Variants in CDH13 observed in about 807,000 individuals in gnomAD.
CDH13 encodes the protein cadherin 13.
Under a neutral mutation model 63.8 loss-of-function variants are expected in CDH13, and 24 were observed. The ratio of observed to expected loss-of-function variants is 0.38; its 90% confidence interval spans 0.27 to 0.53. CDH13 has a LOEUF of 0.53. CDH13 is among the 20% of genes least tolerant of loss of function. CDH13 has a pLI of 0.85. For synonymous variants in CDH13, 503 were observed against 355.3 expected (o/e 1.42, Z -4.67); for missense variants, 1,049 against 903.1 (o/e 1.16, Z -2.07).
chr16:82,712,160 TAC>T (rs1229046903), intron 1 of CDH13, among the ~76,000 whole-genome samples: 1 of 152,216 alleles, frequency 6.6e-6, no homozygotes, highest in African/African-American at 2.4e-5. Context: ...TTGAATGTTC[TAC>T]AGACTTAACG....
intron 1 of CDH13, among the ~76,000 whole-genome samples, chr16:82,635,654 A>G (rs1381813066): frequency 1.3e-5 from 2 of 152,210 alleles, no homozygotes; most frequent in Non-Finnish European, 1.5e-5. Context: ...TCTAGGGCTG[A>G]GATCATGGGA....
chr16:83,285,441 T>A (rs1350560283), intron 5 of CDH13, among the ~76,000 whole-genome samples: 1 of 152,022 alleles, frequency 6.6e-6, no homozygotes, highest in Non-Finnish European at 1.5e-5. Flanking sequence ...GGGTCTACTT[T>A]AGGGTTTCAC....
intron 7 of CDH13, among the ~76,000 whole-genome samples, chr16:83,541,480 C>T (rs910740563): frequency 4.6e-5 from 7 of 152,176 alleles, no homozygotes; most frequent in Non-Finnish European, 8.8e-5. Flanking sequence ...TGTTTTCACT[C>T]TTGGCCATAG....
intron 7 of CDH13, among the ~76,000 whole-genome samples, chr16:83,550,529 C>G (rs1297660125): frequency 6.6e-6 from 1 of 152,204 alleles, no homozygotes; most frequent in Non-Finnish European, 1.5e-5. Flanking sequence ...ATGGCAAATT[C>G]CGCTCATAAT....
chr16:83,636,903 C>T (rs75292512), intron 8 of CDH13, among the ~76,000 whole-genome samples: 11,280 of 152,220 alleles, frequency 0.074, 691 homozygotes, highest in African/African-American at 0.17. Flanking sequence ...CCCTTTTCTC[C>T]TAGTTCTACC....
chr16:83,254,875 A>G (rs1462133784), intron 5 of CDH13, among the ~76,000 whole-genome samples: 1 of 152,092 alleles, frequency 6.6e-6, no homozygotes, highest in Non-Finnish European at 1.5e-5. Context: ...CTACTAGGGG[A>G]AATGCTAGAT....
At chr16:83,391,528 A>C (rs529776537) in intron 6 of CDH13, among the ~76,000 whole-genome samples, 1 of 152,154 alleles carries the variant, frequency 6.6e-6, no homozygotes, top group Non-Finnish European at 1.5e-5. Context: ...TGATAATAGT[A>C]AGCCCCAATT....
chr16:83,783,226 C>G (rs773235124), intron 12 of CDH13, 28 bp from the exon 13 acceptor site: 2 of 1,539,236 alleles, frequency 1.3e-6, no homozygotes, highest in Non-Finnish European at 1.8e-6. Flanking sequence ...CTCATCCACT[C>G]TCACCAGAAC....
intron 5 of CDH13, among the ~76,000 whole-genome samples, chr16:83,334,143 C>A (rs188746448): frequency 1.3e-5 from 2 of 152,232 alleles, no homozygotes; most frequent in Admixed American, 1.3e-4. Flanking sequence ...ATGTCCTTCA[C>A]ATATCCCATC....
chr16:82,684,136 G>A (rs1032680589), intron 1 of CDH13, among the ~76,000 whole-genome samples: 1 of 152,184 alleles, frequency 6.6e-6, no homozygotes, highest in African/African-American at 2.4e-5. Flanking sequence ...TCGTATTTGG[G>A]GAAAATGGTC....
At chr16:83,543,117 G>A (rs937710568) in intron 7 of CDH13, among the ~76,000 whole-genome samples, 19 of 152,184 alleles carry the variant, frequency 1.2e-4, no homozygotes, top group Admixed American at 5.2e-4. Flanking sequence ...TTGGCACATC[G>A]TATGTTTTAA....
intron 7 of CDH13, among the ~76,000 whole-genome samples, chr16:83,491,483 C>G (rs960978780): frequency 1.5e-4 from 23 of 151,834 alleles, no homozygotes; most frequent in African/African-American, 5.6e-4. Flanking sequence ...ATCTTGGCTG[C>G]TAGACTGAAA....
At chr16:82,753,843 T>C (rs560002564) in intron 1 of CDH13, among the ~76,000 whole-genome samples, 19 of 152,208 alleles carry the variant, frequency 1.2e-4, no homozygotes, top group Non-Finnish European at 1.6e-4. Context: ...CTTGGTCCAG[T>C]CCTGGGCACC....
At chr16:83,326,473 C>G (rs918581830) in intron 5 of CDH13, among the ~76,000 whole-genome samples, 2 of 148,224 alleles carry the variant, frequency 1.3e-5, no homozygotes, top group Admixed American at 6.8e-5. Context: ...CCTCTGAACT[C>G]TATGGGAGTA....
chr16:83,157,738 TAAAAAAAA>T (rs58336254), intron 4 of CDH13, among the ~76,000 whole-genome samples: 86 of 99,528 alleles, frequency 8.6e-4, no homozygotes, highest in African/African-American at 2.5e-3. Context: ...ACTAGAAATA[TAAAAAAAA>T]AAAAAAAAAA....
At chr16:83,707,351 C>G (rs763798800) in intron 10 of CDH13, among the ~76,000 whole-genome samples, 4 of 152,158 alleles carry the variant, frequency 2.6e-5, no homozygotes, top group Non-Finnish European at 5.9e-5. Flanking sequence ...GCCATTATTA[C>G]CTCCTTCTTT....
intron 3 of CDH13, among the ~76,000 whole-genome samples, chr16:83,039,872 G>A (rs1443249994): frequency 2.0e-5 from 3 of 151,952 alleles, no homozygotes; most frequent in African/African-American, 4.8e-5. Flanking sequence ...CTACCCTATG[G>A]TCAGCACCAT....
intron 5 of CDH13, among the ~76,000 whole-genome samples, chr16:83,328,068 G>C (rs1443310965): frequency 6.6e-6 from 1 of 151,712 alleles, no homozygotes; most frequent in African/African-American, 2.4e-5. Flanking sequence ...AGGAGGCGGA[G>C]CTTGCAGTGA....
chr16:83,573,472 T>C (rs1240155278), intron 7 of CDH13, among the ~76,000 whole-genome samples: 1 of 152,208 alleles, frequency 6.6e-6, no homozygotes, highest in East Asian at 1.9e-4. Flanking sequence ...CCAGCACTTG[T>C]GACACATGCT....
Sources: allele counts gnomAD v4.1 joint callset (sites outside exome capture counted in the v4.1 genomes callset), GRCh38; gene constraint gnomAD v4.1.1; transcripts MANE v1.5; gene names NCBI Gene and HGNC (gene_info 2026-07-23, HGNC 2026-07-21).